Variants in PRKCE observed in about 807,000 individuals in gnomAD.
PRKCE encodes protein kinase C epsilon.
A neutral mutation model predicts 85.4 loss-of-function variants in PRKCE; 16 were observed. The observed-to-expected ratio is 0.19, with a 90% CI of 0.13 to 0.28. The LOEUF is 0.28. PRKCE is among the 10% of genes least tolerant of loss of function. PRKCE has a pLI of 1.00. For synonymous variants in PRKCE, 388 were observed against 371.5 expected (o/e 1.04, Z -0.51); for missense variants, 573 against 975.2 (o/e 0.59, Z 5.49).
At position 46,084,151 on chromosome 2, in the gene PRKCE, G is replaced by A. The variant is rs184940218; in HGVS notation, c.1438-2057G>A. Among the ~76,000 whole-genome samples the A allele has an allele frequency of 3.0e-4, 45 of 152,330 alleles. No homozygotes were observed. The East Asian group carries it at 7.1e-3, about 24-fold the overall frequency. Reference sequence around the variant, plus strand: ...TGTACTCTGGGGAGAAAACGAGGTAGGCTTTGAAGGCGAAGGGCAAAGTAA... The same window carrying A: ...TGTACTCTGGGGAGAAAACGAGGTAAGCTTTGAAGGCGAAGGGCAAAGTAA... On this transcript the variant is annotated intron_variant, in intron 10 of 14. Transcript: ENST00000306156.
intron 10 of PRKCE, chr2:46,078,637 G>A (rs1406881955): frequency 6.6e-6 from 1 of 151,886 alleles, no homozygotes; most frequent in African/African-American, 2.4e-5. Flanking sequence ...CTGGATCTAT[G>A]CACTGTTTCC....
chr2:45,653,370 G>GTTT (rs34888247), intron 1 of PRKCE, among the ~76,000 whole-genome samples: 2,290 of 61,338 alleles, frequency 0.037, 190 homozygotes, highest in Middle Eastern at 0.1. Context: ...TTTTTGGGTT[G>GTTT]TTTTTTTTTT....
chr2:45,654,353 C>A (rs968054784), intron 1 of PRKCE, among the ~76,000 whole-genome samples: 3 of 152,238 alleles, frequency 2.0e-5, no homozygotes, highest in African/African-American at 7.2e-5. Flanking sequence ...GGTTATCATC[C>A]TCTAAGGTTC....
intron 1 of PRKCE, among the ~76,000 whole-genome samples, chr2:45,659,506 T>A (rs1328087974): frequency 6.6e-6 from 1 of 152,172 alleles, no homozygotes; most frequent in Non-Finnish European, 1.5e-5. Flanking sequence ...TGCTCACAGA[T>A]CTCTCAGGTG....
chr2:45,693,328 C>G (rs1677888185), intron 1 of PRKCE, among the ~76,000 whole-genome samples: 1 of 148,446 alleles, frequency 6.7e-6, no homozygotes, highest in South Asian at 2.2e-4. Context: ...AGTGTAGATG[C>G]CCAGCACCAA....
intron 2 of PRKCE, among the ~76,000 whole-genome samples, chr2:45,856,854 T>A (rs1440607134): frequency 6.6e-6 from 1 of 152,228 alleles, no homozygotes; most frequent in Admixed American, 6.5e-5. Flanking sequence ...GTGCTCCAGG[T>A]TCATCATGTT....
At chr2:45,991,061 C>T (rs1244555378) in intron 6 of PRKCE, among the ~76,000 whole-genome samples, 1 of 151,300 alleles carries the variant, frequency 6.6e-6, no homozygotes. Context: ...GGCTGGAGTG[C>T]AGCGGTGCAA....
chr2:46,184,654 C>A lies in PRKCE; in HGVS notation c.2068-81C>A. On this transcript the variant is annotated intron_variant, in intron 14 of 14. Coordinates refer to ENST00000306156, the MANE Select transcript of PRKCE (RefSeq NM_005400.3). This position sits in a 1 kb window ranked among gnomAD's most constrained non-coding sequence, Gnocchi z 5.0. Reference sequence around the variant, plus strand: ...AGGCCTGCTTTGGTGACAGGCTGGTCAGTGCGGTGCCCACTCCCCATGGGG... The same window carrying A: ...AGGCCTGCTTTGGTGACAGGCTGGTAAGTGCGGTGCCCACTCCCCATGGGG... The A allele has an allele frequency of 1.3e-6, 2 of 1,526,572 alleles. No homozygotes were observed. The highest frequency in any genetic ancestry group is 2.5e-5 in the South Asian group (2 of 80,294). The allele number at this position is 1,526,572 out of a possible 1,614,324, so 94.6% of individuals were successfully genotyped here.
chr2:45,911,520 C>A (rs1697381109), intron 2 of PRKCE, among the ~76,000 whole-genome samples: 1 of 152,224 alleles, frequency 6.6e-6, no homozygotes, highest in African/African-American at 2.4e-5. Context: ...CCCCTGAACC[C>A]TAGAGACCAG....
intron 10 of PRKCE, among the ~76,000 whole-genome samples, chr2:46,023,066 G>A (rs952726459): frequency 7.5e-6 from 1 of 132,844 alleles, no homozygotes; most frequent in Non-Finnish European, 1.5e-5. Flanking sequence ...GTCCGTCCTG[G>A]GCGACAGAGC....
At chr2:45,894,879 C>T (rs372183129) in intron 2 of PRKCE, among the ~76,000 whole-genome samples, 8 of 152,234 alleles carry the variant, frequency 5.3e-5, no homozygotes, top group Non-Finnish European at 1.2e-4. Context: ...CCCACCACTG[C>T]GCCTGGCTAA....
chr2:46,167,897 G>A (rs1273460925), intron 14 of PRKCE: 1 of 152,230 alleles, frequency 6.6e-6, no homozygotes, highest in Non-Finnish European at 1.5e-5. Flanking sequence ...GCAGTCACCA[G>A]TGAGACCCTG....
intron 1 of PRKCE, among the ~76,000 whole-genome samples, chr2:45,827,082 A>G (rs951353300): frequency 6.6e-6 from 1 of 152,194 alleles, no homozygotes. Context: ...AAGCCAAAGC[A>G]CGTGCCAGGC....
chr2:45,841,697 C>A (rs571029740), intron 1 of PRKCE, among the ~76,000 whole-genome samples: 1 of 152,234 alleles, frequency 6.6e-6, no homozygotes, highest in Admixed American at 6.5e-5. Flanking sequence ...TTAACCATCG[C>A]AGGAGCCATG....
chr2:46,066,994 C>T (rs576718071), intron 10 of PRKCE, among the ~76,000 whole-genome samples: 2 of 152,128 alleles, frequency 1.3e-5, no homozygotes, highest in East Asian at 1.9e-4. Context: ...GGAACTAGAA[C>T]GGCTAATAAA....
At chr2:45,916,766 G>A (rs1697815463) in intron 2 of PRKCE, among the ~76,000 whole-genome samples, 1 of 152,158 alleles carries the variant, frequency 6.6e-6, no homozygotes, top group African/African-American at 2.4e-5. Context: ...TCCGGAATTG[G>A]TGGGTTCTTG....
intron 2 of PRKCE, among the ~76,000 whole-genome samples, chr2:45,870,054 C>G (rs536882192): frequency 5.3e-5 from 8 of 152,152 alleles, no homozygotes; most frequent in Non-Finnish European, 1.2e-4. Flanking sequence ...ATAAACTGCT[C>G]TCCTTCCTGG....
At chr2:46,008,256 T>C (rs1228899999) in intron 9 of PRKCE, among the ~76,000 whole-genome samples, 2 of 152,164 alleles carry the variant, frequency 1.3e-5, no homozygotes, top group Non-Finnish European at 2.9e-5. Flanking sequence ...CCATTCTCCA[T>C]ATCCTGTTCC....
chr2:45,731,560 G>T (rs1467436697), intron 1 of PRKCE, among the ~76,000 whole-genome samples: 1 of 150,116 alleles, frequency 6.7e-6, no homozygotes, highest in Non-Finnish European at 1.5e-5. Flanking sequence ...CTTGGATTTT[G>T]TAGTTACTAA....
Sources: gnomAD v4.1 joint callset for allele counts (sites outside exome capture counted in the v4.1 genomes callset) on GRCh38, gnomAD v4.1.1 for gene constraint, Gnocchi (gnomAD v3.1) non-coding constraint, MANE v1.5 for transcripts, NCBI Gene and HGNC (gene_info 2026-07-23, HGNC 2026-07-21) for gene names.